Variants in FRMD5 observed in about 807,000 individuals in gnomAD.
FRMD5 encodes FERM domain containing 5.
In FRMD5, 20 loss-of-function variants were observed where a neutral mutation model predicts 69.0. The observed-to-expected ratio is 0.29, with a 90% CI of 0.20 to 0.42. The LOEUF is 0.42. Among genes scored for constraint, FRMD5 ranks in the 10% least tolerant of loss-of-function variants. The probability of loss-of-function intolerance (pLI) is 1.00; values close to 1 mark genes in which losing one functional copy is unlikely to be tolerated. For missense variants in FRMD5, 595 were observed against 708.6 expected (o/e 0.84, Z 1.82); for synonymous variants, 271 against 260.1 (o/e 1.04, Z -0.40).
intron 1 of FRMD5, among the ~76,000 whole-genome samples, chr15:44,137,786 A>G (rs751259461): frequency 2.4e-4 from 36 of 152,122 alleles, no homozygotes; most frequent in Non-Finnish European, 3.8e-4. Flanking sequence ...GCAAGCAAAG[A>G]TGGTCAGGAG....
chr15:43,885,198 G>C (rs2088633579), intron 11 of FRMD5: 2 of 200,794 alleles, frequency 1.0e-5, no homozygotes, highest in African/African-American at 4.6e-5. Context: ...TTGGAGACAG[G>C]GTCTTGCTCT....
At chr15:44,034,915 G>A (rs1891841780) in intron 1 of FRMD5, among the ~76,000 whole-genome samples, 1 of 152,078 alleles carries the variant, frequency 6.6e-6, no homozygotes, top group Non-Finnish European at 1.5e-5. Flanking sequence ...CTGTCCACTT[G>A]TATATCCAAT....
At chr15:44,039,417 G>A (rs1025289311) in intron 1 of FRMD5, among the ~76,000 whole-genome samples, 3 of 152,174 alleles carry the variant, frequency 2.0e-5, no homozygotes, top group African/African-American at 7.2e-5. Context: ...ATCTCATATA[G>A]GAGAGCTCTC....
At chr15:43,882,961 A>C (rs956665117) in intron 13 of FRMD5, among the ~76,000 whole-genome samples, 3 of 151,082 alleles carry the variant, frequency 2.0e-5, no homozygotes, top group African/African-American at 7.3e-5. Context: ...TCCCACGACC[A>C]TGCCCTGCTA....
chr15:43,874,591 C>G, intron 13 of FRMD5, 129 bp from the exon 14 acceptor site: 1 of 677,384 alleles, frequency 1.5e-6, no homozygotes, highest in Non-Finnish European at 2.6e-6. Context: ...CCACTGCACT[C>G]TATTTTGATA....
chr15:44,159,163 G>A (rs1366855584), intron 1 of FRMD5, among the ~76,000 whole-genome samples: 1 of 152,174 alleles, frequency 6.6e-6, no homozygotes, highest in African/African-American at 2.4e-5. Flanking sequence ...GAAATAGAGA[G>A]TGGTGTTTGT....
chr15:44,057,611 G>T (rs1892925340), intron 1 of FRMD5, among the ~76,000 whole-genome samples: 1 of 152,076 alleles, frequency 6.6e-6, no homozygotes, highest in Non-Finnish European at 1.5e-5. Context: ...ACCAAATAAA[G>T]CTTCACTTAA....
intron 1 of FRMD5, among the ~76,000 whole-genome samples, chr15:44,060,938 G>GTC (rs373512736): frequency 6.6e-6 from 1 of 152,062 alleles, no homozygotes; most frequent in Non-Finnish European, 1.5e-5. Context: ...TTTCTTATTT[G>GTC]TCTCTCTATC....
intron 1 of FRMD5, among the ~76,000 whole-genome samples, chr15:44,154,433 C>T (rs908930207): frequency 4.0e-5 from 6 of 151,838 alleles, no homozygotes; most frequent in Admixed American, 1.3e-4. Flanking sequence ...CTTTCTTTAT[C>T]GGCTTACATA....
intron 7 of FRMD5, among the ~76,000 whole-genome samples, chr15:43,895,928 T>C (rs1453226533): frequency 1.3e-5 from 2 of 152,192 alleles, no homozygotes; most frequent in African/African-American, 4.8e-5. Flanking sequence ...CCGTTGGAGT[T>C]TGTGTGCAAA....
chr15:43,913,396 A>G (rs541450637), intron 4 of FRMD5, among the ~76,000 whole-genome samples: 1 of 152,388 alleles, frequency 6.6e-6, no homozygotes, highest in East Asian at 1.9e-4. Flanking sequence ...GAAAGAATCA[A>G]CTGACAGCTT....
chr15:44,143,265 C>G (rs903605796), intron 1 of FRMD5, among the ~76,000 whole-genome samples: 1 of 152,072 alleles, frequency 6.6e-6, no homozygotes, highest in Non-Finnish European at 1.5e-5. Flanking sequence ...AAATATTCTG[C>G]TACCTTCATG....
chr15:44,030,868 T>C (rs943013384), intron 1 of FRMD5, among the ~76,000 whole-genome samples: 12 of 151,736 alleles, frequency 7.9e-5, no homozygotes, highest in African/African-American at 2.7e-4. Context: ...CTGAAAAAGA[T>C]AGGAGAGAGA....
intron 1 of FRMD5, among the ~76,000 whole-genome samples, chr15:44,171,648 T>G (rs1405741501): frequency 6.6e-6 from 1 of 152,196 alleles, no homozygotes; most frequent in East Asian, 1.9e-4. Context: ...TGAACTCAAC[T>G]GGCATTGATA....
At chr15:44,125,594 C>T (rs1467488859) in intron 1 of FRMD5, among the ~76,000 whole-genome samples, 1 of 152,186 alleles carries the variant, frequency 6.6e-6, no homozygotes, top group Non-Finnish European at 1.5e-5. Flanking sequence ...TCATGAAATT[C>T]TTAGACATGA....
intron 7 of FRMD5, among the ~76,000 whole-genome samples, chr15:43,897,630 A>T: frequency 6.6e-6 from 1 of 151,164 alleles, no homozygotes; most frequent in Non-Finnish European, 1.5e-5. Context: ...GTGTAATTTT[A>T]TTTTTGTGGT....
Position 44,195,178 on chromosome 15 carries a change from C to G in FRMD5, c.-124G>C. 1.5e-6 allele frequency: 1 copy of G among 677,566 alleles called. No homozygotes were observed. The highest frequency in any genetic ancestry group is 2.0e-5 in the South Asian group (1 of 49,470). The allele number at this position is 677,566 out of a possible 1,614,324, so 42.0% of individuals were successfully genotyped here. ...ACCATCACCCCGGCCCCGTCGCTGCCGTTGCCTCCTGCTGGCCTCGTTCCT... is the reference window on the plus strand; with the variant it reads ...ACCATCACCCCGGCCCCGTCGCTGCGGTTGCCTCCTGCTGGCCTCGTTCCT... On this transcript the variant is annotated 5_prime_UTR_variant, in exon 1 of 14. Transcript: ENST00000417257.
In FRMD5 at chr15:43,888,844, C is replaced by T; in HGVS notation, c.757G>A (p.Gly253Arg). The change falls in exon 9 of 14, where the codon GGA becomes AGA. Residue 253 changes from glycine to arginine, a missense_variant. This residue lies in a region of FRMD5 where 176 missense variants were observed against 266.3 expected (regional missense o/e 0.66). Coordinates refer to ENST00000417257, the MANE Select transcript of FRMD5 (RefSeq NM_032892.5). ...CTTACGTATAAATAGAAAGTCTTTC[C>T]TTCAAATTTCAGCTTGGTCACCTCA... Reference protein sequence around the residue: ...WNEVTKLKFEGKTFYLYVSQK... With the variant: ...WNEVTKLKFERKTFYLYVSQK... The T allele has an allele frequency of 6.2e-7, 1 of 1,614,002 alleles. No individual in the cohort carries two copies. Among genetic ancestry groups the T allele is most frequent in the Non-Finnish European group, 8.5e-7 (1 of 1,179,886 alleles).
At chr15:44,068,407 A>G (rs1893399603) in intron 1 of FRMD5, among the ~76,000 whole-genome samples, 1 of 152,224 alleles carries the variant, frequency 6.6e-6, no homozygotes, top group Non-Finnish European at 1.5e-5. Context: ...ATTATTTGCC[A>G]TAAAAATGAA....
Sources: allele counts gnomAD v4.1 joint callset (sites outside exome capture counted in the v4.1 genomes callset), GRCh38; gene constraint gnomAD v4.1.1; regional missense constraint gnomAD v4.1.1; transcripts MANE v1.5; gene names NCBI Gene and HGNC (gene_info 2026-07-23, HGNC 2026-07-21).